The following RBPJ variants were observed in gnomAD, a reference collection of about 807,000 sequenced individuals.
The protein encoded by RBPJ is recombining binding protein suppressor of hairless.
Under a neutral mutation model 67.8 loss-of-function variants are expected in RBPJ, and 9 were observed. The ratio of observed to expected loss-of-function variants is 0.13; its 90% CI spans 0.08 to 0.23. RBPJ has a LOEUF of 0.23. Ranked by LOEUF, RBPJ falls within the 10% of genes least tolerant of loss-of-function variation. RBPJ has a pLI of 1.00. For missense variants in RBPJ, 305 were observed against 595.6 expected (o/e 0.51, Z 5.08); for synonymous variants, 198 against 203.3 (o/e 0.97, Z 0.22).
chr4:26,232,488 G>A (rs898922093), intron 1 of RBPJ, among the ~76,000 whole-genome samples: 3 of 151,996 alleles, frequency 2.0e-5, no homozygotes, highest in Admixed American at 6.6e-5. Flanking sequence ...GTCCTCCTAG[G>A]GTTACAGACA....
intron 4 of RBPJ, among the ~76,000 whole-genome samples, chr4:26,419,763 T>C (rs1371473837): frequency 6.6e-6 from 1 of 152,216 alleles, no homozygotes; most frequent in Non-Finnish European, 1.5e-5. Flanking sequence ...AGAATTGTTA[T>C]ATATAATATA....
chr4:26,295,245 AGTGTGTGT>A (rs71932374), intron 1 of RBPJ, among the ~76,000 whole-genome samples: 6 of 147,026 alleles, frequency 4.1e-5, no homozygotes, highest in Non-Finnish European at 9.0e-5. Context: ...AGGGTGCATC[AGTGTGTGT>A]GTGTGTGTGT....
In RBPJ at chr4:26,262,236, T is replaced by A. The variant is rs1263110648; in HGVS notation, c.-167+98622T>A. On this transcript the variant is annotated intron_variant, in intron 1 of 4. Coordinates refer to the RBPJ transcript ENST00000512351. ...CTGGGATTACAGGCATGAGCCACCATGTACAGCCTAAAATTGTTTTAAGAA... is the reference window on the plus strand; with the variant it reads ...CTGGGATTACAGGCATGAGCCACCAAGTACAGCCTAAAATTGTTTTAAGAA... Among the ~76,000 whole-genome samples, 5 of 151,988 alleles carry A rather than the reference T, an allele frequency of 3.3e-5. 1 individual carries two copies. Among genetic ancestry groups the A allele is most frequent in the Admixed American group, 3.3e-4 (5 of 15,262 alleles).
intron 1 of RBPJ, among the ~76,000 whole-genome samples, chr4:26,297,378 GAGAGAGAGAC>G (rs1443431204): frequency 1.3e-5 from 2 of 151,868 alleles, no homozygotes; most frequent in African/African-American, 4.8e-5. Flanking sequence ...GAGAGAGAGA[GAGAGAGAGAC>G]AGAGAGAGAC....
chr4:26,219,769 T>TTTG (rs775533836), intron 1 of RBPJ, among the ~76,000 whole-genome samples: 28 of 152,176 alleles, frequency 1.8e-4, no homozygotes, highest in Middle Eastern at 3.4e-3. Context: ...TCAGGTTTTT[T>TTTG]TTGTTGTTGT....
intron 1 of RBPJ, among the ~76,000 whole-genome samples, chr4:26,203,454 C>G (rs374821884): frequency 6.6e-6 from 1 of 152,188 alleles, no homozygotes. Flanking sequence ...CCTTTGCCAG[C>G]TTTATTCTTC....
intron 1 of RBPJ, chr4:26,362,616 C>T (rs1241020839): frequency 6.8e-6 from 11 of 1,613,722 alleles, no homozygotes; most frequent in Admixed American, 3.3e-5. Context: ...AGTACCATGG[C>T]GTGGATTAAA....
At chr4:26,114,984 G>A in the RBPJ span, among the ~76,000 whole-genome samples, 1 of 152,124 alleles carries the variant, frequency 6.6e-6, no homozygotes, top group Non-Finnish European at 1.5e-5. Flanking sequence ...TTGTTGTTTA[G>A]GTTACTTATA....
chr4:26,277,571 G>A lies in RBPJ; in HGVS notation c.-166-84875G>A, dbSNP rs1253555585. The stretch of plus-strand genomic sequence containing the variant: ...AAGTGCCAACCCGGCCAAGCTATAG[G>A]TGCCCAGGAAAGCCCTGATTTGTGA... On this transcript the variant is annotated intron_variant, in intron 1 of 4. Coordinates refer to the RBPJ transcript ENST00000512351. Among the ~76,000 whole-genome samples, 3 of 152,244 alleles carry A rather than the reference G, an allele frequency of 2.0e-5. No homozygotes were observed. In the East Asian group the frequency reaches 5.8e-4, roughly 29 times the overall value.
At chr4:26,413,822 T>C (rs1470664335) in intron 3 of RBPJ, among the ~76,000 whole-genome samples, 1 of 152,198 alleles carries the variant, frequency 6.6e-6, no homozygotes, top group Non-Finnish European at 1.5e-5. Context: ...TTTCTTTTAG[T>C]CTGCACGTTG....
intron 3 of RBPJ, among the ~76,000 whole-genome samples, chr4:26,412,283 AG>A (rs1489178515): frequency 6.6e-6 from 1 of 152,094 alleles, no homozygotes; most frequent in African/African-American, 2.4e-5. Context: ...TCCAGGCTGG[AG>A]TACAGTGGCA....
rs1461878697 is a variant in RBPJ at position 26,424,619 on chromosome 4, C to T, written c.635-12C>T. 6.3e-7 allele frequency: 1 copy of T among 1,580,956 alleles called. No individual in the cohort carries two copies. Among genetic ancestry groups the T allele is most frequent in the Non-Finnish European group, 8.6e-7 (1 of 1,157,108 alleles). On this transcript the variant is annotated splice_polypyrimidine_tract_variant and intron_variant, in intron 6 of 10. Transcript: ENST00000355476. This position sits in a 1 kb window ranked among gnomAD's most constrained non-coding sequence, Gnocchi z 5.3. Reference sequence around the variant, plus strand: ...AAGATGACAATTTGATTTATTTTTCCACCTACTGCAGTGGATGATGATGAA... The same window carrying T: ...AAGATGACAATTTGATTTATTTTTCTACCTACTGCAGTGGATGATGATGAA...
chr4:26,146,717 C>A, the RBPJ span, among the ~76,000 whole-genome samples: 4 of 152,198 alleles, frequency 2.6e-5, no homozygotes, highest in African/African-American at 4.8e-5. Flanking sequence ...AAATATCCAA[C>A]AGTGATTCCT....
intron 5 of RBPJ, among the ~76,000 whole-genome samples, chr4:26,422,761 C>T (rs149095323): frequency 2.6e-4 from 40 of 152,304 alleles, no homozygotes; most frequent in African/African-American, 8.9e-4. Flanking sequence ...CATTCTCTAA[C>T]GTCAACAGTG....
At chr4:26,287,232 A>T (rs1721496838) in intron 1 of RBPJ, among the ~76,000 whole-genome samples, 1 of 152,062 alleles carries the variant, frequency 6.6e-6, no homozygotes, top group Non-Finnish European at 1.5e-5. Context: ...ATTTTAGGTC[A>T]TTGGAAAAAG....
At chr4:26,316,566 C>T (rs1050831609), upstream of RBPJ, among the ~76,000 whole-genome samples, 84 of 81,150 alleles carry the variant, frequency 1.0e-3, no homozygotes, top group African/African-American at 4.1e-3. Context: ...CATATATATA[C>T]ACATTCATAT....
At chr4:26,336,202 C>T (rs1724816577) in intron 1 of RBPJ, among the ~76,000 whole-genome samples, 1 of 152,194 alleles carries the variant, frequency 6.6e-6, no homozygotes, top group South Asian at 2.1e-4. Flanking sequence ...TCCCAGCTCC[C>T]AGAGATATGC....
intron 1 of RBPJ, among the ~76,000 whole-genome samples, chr4:26,282,596 C>T (rs1721312209): frequency 6.6e-6 from 1 of 151,984 alleles, no homozygotes; most frequent in South Asian, 2.1e-4. Flanking sequence ...TCTCTGCTCA[C>T]TGCAACCTCT....
chr4:26,236,269 G>A (rs182169543), intron 1 of RBPJ, among the ~76,000 whole-genome samples: 15 of 152,238 alleles, frequency 9.9e-5, no homozygotes, highest in South Asian at 4.1e-4. Context: ...TTATAGCTTC[G>A]ATGTCCTCAT....
Sources: gnomAD v4.1 joint callset for allele counts (sites outside exome capture counted in the v4.1 genomes callset) on GRCh38, gnomAD v4.1.1 for gene constraint, Gnocchi (gnomAD v3.1) non-coding constraint, MANE v1.5 for transcripts, NCBI Gene and HGNC (gene_info 2026-07-23, HGNC 2026-07-21) for gene names.